Variants in FSTL4 observed in about 807,000 individuals in gnomAD.
FSTL4 encodes the protein follistatin-related protein 4.
Under a neutral mutation model 78.2 loss-of-function variants are expected in FSTL4, and 28 were observed. That is an observed-to-expected ratio of 0.36 (90% CI 0.27 to 0.49). The LOEUF (loss-of-function observed/expected upper bound fraction) is 0.49, where lower values mean the gene tolerates loss of function less well. FSTL4 is among the 20% of genes least tolerant of loss of function. The probability of loss-of-function intolerance (pLI) is 0.98; values close to 1 mark genes in which losing one functional copy is unlikely to be tolerated. For synonymous variants in FSTL4, 422 were observed against 440.5 expected (o/e 0.96, Z 0.53); for missense variants, 922 against 1,084.9 (o/e 0.85, Z 2.11).
the FSTL4 span, among the ~76,000 whole-genome samples, chr5:133,710,985 C>A: frequency 3.3e-5 from 5 of 152,150 alleles, no homozygotes; most frequent in Admixed American, 2.0e-4. Flanking sequence ...GGGAAACCTC[C>A]GTCTCTAGTT....
At chr5:133,717,442 A>G in the FSTL4 span, among the ~76,000 whole-genome samples, 7 of 152,300 alleles carry the variant, frequency 4.6e-5, no homozygotes, top group African/African-American at 7.2e-5. Context: ...TGTAATTTAC[A>G]TGGAGTAAAA....
chr5:133,816,189 A>AG, the FSTL4 span, among the ~76,000 whole-genome samples: 2 of 152,176 alleles, frequency 1.3e-5, no homozygotes, highest in African/African-American at 4.8e-5. Context: ...GACGCTTGTG[A>AG]GGCAAGTGGG....
chr5:133,639,781 C>A, the FSTL4 span, among the ~76,000 whole-genome samples: 4 of 152,158 alleles, frequency 2.6e-5, no homozygotes, highest in Non-Finnish European at 5.9e-5. Context: ...AAGCTTTTAT[C>A]CGCATCTTAT....
At chr5:133,402,952 G>A (rs1756272190) in intron 3 of FSTL4, among the ~76,000 whole-genome samples, 1 of 152,228 alleles carries the variant, frequency 6.6e-6, no homozygotes, top group African/African-American at 2.4e-5. Flanking sequence ...GGAGGCGGAA[G>A]GCAGGCAGGC....
chr5:133,214,441 C>A (rs141160531), intron 13 of FSTL4, among the ~76,000 whole-genome samples: 1 of 152,286 alleles, frequency 6.6e-6, no homozygotes, highest in Non-Finnish European at 1.5e-5. Context: ...CAAGCCTTTA[C>A]TGGGGAAACT....
chr5:133,597,021 C>T (rs1760752227), intron 2 of FSTL4, among the ~76,000 whole-genome samples: 2 of 152,090 alleles, frequency 1.3e-5, no homozygotes. Context: ...GCCACACTTC[C>T]TCCCCCCAAC....
At chr5:133,623,487 C>A in the FSTL4 span, among the ~76,000 whole-genome samples, 21 of 152,046 alleles carry the variant, frequency 1.4e-4, no homozygotes, top group African/African-American at 4.8e-4. Flanking sequence ...ACACCAAATT[C>A]AAAAACTGAC....
chr5:133,695,365 C>T, the FSTL4 span, among the ~76,000 whole-genome samples: 11 of 152,184 alleles, frequency 7.2e-5, no homozygotes, highest in African/African-American at 2.7e-4. Flanking sequence ...CCCTCACCCA[C>T]ACTATAAGCT....
At chr5:133,761,479 C>A in the FSTL4 span, among the ~76,000 whole-genome samples, 2 of 152,142 alleles carry the variant, frequency 1.3e-5, no homozygotes, top group African/African-American at 2.4e-5. Flanking sequence ...TAATGATTTG[C>A]TCAGTTCCTT....
chr5:133,390,811 C>T (rs1361294752), intron 4 of FSTL4, among the ~76,000 whole-genome samples: 1 of 152,212 alleles, frequency 6.6e-6, no homozygotes, highest in Admixed American at 6.5e-5. Context: ...GTGGCAAGTG[C>T]TCCTCCCTCT....
chr5:133,592,207 C>G (rs1760644951), intron 2 of FSTL4, among the ~76,000 whole-genome samples: 1 of 152,154 alleles, frequency 6.6e-6, no homozygotes, highest in Admixed American at 6.5e-5. Flanking sequence ...CTCACGTCAC[C>G]CACGGTTTGG....
intron 4 of FSTL4, among the ~76,000 whole-genome samples, chr5:133,380,087 A>G (rs1755531115): frequency 6.6e-6 from 1 of 152,044 alleles, no homozygotes; most frequent in African/African-American, 2.4e-5. Flanking sequence ...AATAAAATAA[A>G]ACAAATTTCA....
the FSTL4 span, among the ~76,000 whole-genome samples, chr5:133,722,981 T>C: frequency 6.6e-6 from 1 of 152,202 alleles, no homozygotes; most frequent in Non-Finnish European, 1.5e-5. Context: ...TGTTTTTGTC[T>C]TCCCCACGGT....
At chr5:133,762,646 A>G in the FSTL4 span, among the ~76,000 whole-genome samples, 1 of 152,126 alleles carries the variant, frequency 6.6e-6, no homozygotes, top group African/African-American at 2.4e-5. Flanking sequence ...GCTGCCCTCC[A>G]TGTGTTAATT....
At chr5:133,468,237 G>A (rs570943972) in intron 3 of FSTL4, among the ~76,000 whole-genome samples, 1 of 152,330 alleles carries the variant, frequency 6.6e-6, no homozygotes, top group African/African-American at 2.4e-5. Flanking sequence ...ACCAACAAGG[G>A]CTCTGTGGGT....
chr5:133,688,418 A>C, the FSTL4 span, among the ~76,000 whole-genome samples: 2 of 152,232 alleles, frequency 1.3e-5, no homozygotes, highest in Non-Finnish European at 2.9e-5. Context: ...GTCTCAAAAA[A>C]AACAAAAGCA....
chr5:133,367,059 T>A (rs1755196202), intron 4 of FSTL4, among the ~76,000 whole-genome samples: 1 of 152,154 alleles, frequency 6.6e-6, no homozygotes, highest in African/African-American at 2.4e-5. Flanking sequence ...TCTCCTGAAA[T>A]AGTGACTCTG....
At chr5:133,328,684 A>C (rs1282348771) in intron 4 of FSTL4, among the ~76,000 whole-genome samples, 1 of 152,218 alleles carries the variant, frequency 6.6e-6, no homozygotes, top group Non-Finnish European at 1.5e-5. Flanking sequence ...CCTGTCCAGC[A>C]GCTCAGCCCT....
chr5:133,826,464 G>A, the FSTL4 span, among the ~76,000 whole-genome samples: 1 of 152,204 alleles, frequency 6.6e-6, no homozygotes, highest in Non-Finnish European at 1.5e-5. Flanking sequence ...GGGACCCTAA[G>A]GGAGAAGCTG....
Sources: allele counts gnomAD v4.1 joint callset (sites outside exome capture counted in the v4.1 genomes callset), GRCh38; gene constraint gnomAD v4.1.1; transcripts MANE v1.5; gene names NCBI Gene and HGNC (gene_info 2026-07-23, HGNC 2026-07-21).